OR51B5: variants seen among roughly 807,000 people sequenced by gnomAD.
OR51B5 encodes olfactory receptor family 51 subfamily B member 5.
For missense variants in OR51B5, 456 were observed against 374.6 expected (o/e 1.22, Z -1.79); for synonymous variants, 186 against 144.8 (o/e 1.28, Z -2.04).
At chr11:5,404,015 G>A (rs1419252614) in intron 1 of OR51B5, among the ~76,000 whole-genome samples, 1 of 152,006 alleles carries the variant, frequency 6.6e-6, no homozygotes, top group Non-Finnish European at 1.5e-5. Flanking sequence ...AGGCTATGAT[G>A]TGGCATTCAC....
At chr11:5,465,986 C>T (rs1461048932) in intron 1 of OR51B5, among the ~76,000 whole-genome samples, 1 of 151,426 alleles carries the variant, frequency 6.6e-6, no homozygotes, top group Non-Finnish European at 1.5e-5. Context: ...AGAGCTTCTG[C>T]ACAGCAAAAG....
intron 1 of OR51B5, among the ~76,000 whole-genome samples, chr11:5,354,259 G>T (rs1290475418): frequency 2.0e-5 from 3 of 152,086 alleles, no homozygotes; most frequent in African/African-American, 7.2e-5. Context: ...TGAATTCAGG[G>T]GGATCTAAGC....
chr11:5,349,398 ACTC>A (rs1849040044), intron 1 of OR51B5, among the ~76,000 whole-genome samples: 1 of 130,550 alleles, frequency 7.7e-6, no homozygotes, highest in Non-Finnish European at 1.7e-5. Flanking sequence ...TGGTATTCCT[ACTC>A]CTGTTTTTTT....
chr11:5,392,316 C>T (rs1276944965), intron 1 of OR51B5: 2 of 152,126 alleles, frequency 1.3e-5, no homozygotes, highest in South Asian at 2.1e-4. Context: ...TAGTAGGCCA[C>T]ATTACTCAAT....
At chr11:5,406,007 A>C (rs1403790996) in intron 1 of OR51B5, among the ~76,000 whole-genome samples, 1 of 152,236 alleles carries the variant, frequency 6.6e-6, no homozygotes, top group Non-Finnish European at 1.5e-5. Context: ...AGAAGAGAAG[A>C]AACATCTGAG....
intron 1 of OR51B5, among the ~76,000 whole-genome samples, chr11:5,484,003 C>G (rs901151033): frequency 6.6e-6 from 1 of 152,150 alleles, no homozygotes; most frequent in Non-Finnish European, 1.5e-5. Context: ...CATCCAGACA[C>G]ACACCTCCTG....
intron 1 of OR51B5, among the ~76,000 whole-genome samples, chr11:5,359,883 A>T (rs1014186438): frequency 1.3e-5 from 2 of 152,232 alleles, no homozygotes; most frequent in Non-Finnish European, 2.9e-5. Flanking sequence ...GACAAAAAAA[A>T]CAAATGGGGA....
chr11:5,434,198 T>G (rs942032768), intron 1 of OR51B5, among the ~76,000 whole-genome samples: 1 of 152,172 alleles, frequency 6.6e-6, no homozygotes, highest in African/African-American at 2.4e-5. Context: ...AACCCAATGT[T>G]GAGAACCACT....
At chr11:5,362,357 A>C (rs17355626) in intron 1 of OR51B5, among the ~76,000 whole-genome samples, 3 of 152,030 alleles carry the variant, frequency 2.0e-5, no homozygotes, top group Admixed American at 6.5e-5. Context: ...TCAACTACGA[A>C]GATGGTCAGG....
intron 1 of OR51B5, among the ~76,000 whole-genome samples, chr11:5,401,624 T>C (rs1849968315): frequency 6.6e-6 from 1 of 152,242 alleles, no homozygotes; most frequent in Non-Finnish European, 1.5e-5. Flanking sequence ...ACCTTGTCTT[T>C]GTATATTTAC....
rs568250134 is a variant in OR51B5 at position 5,465,003 on chromosome 11, G to A, written n.84+40566C>T. On this transcript the variant is annotated intron_variant and non_coding_transcript_variant, in intron 1 of 4. Transcript: ENST00000415970. ...GGGCGGATCGCGAGGTCAGGAGATC[G>A]AGACCATCCCGGCTAAAACGGTGAA... Among the ~76,000 whole-genome samples, 1,483 of 152,098 alleles carry A rather than the reference G, an allele frequency of 9.8e-3. 28 individuals carry two copies. The highest frequency in any genetic ancestry group is 0.034 in the African/African-American group (1,394 of 41,516).
chr11:5,485,648 C>CA (rs2133811273), intron 1 of OR51B5, among the ~76,000 whole-genome samples: 1 of 152,310 alleles, frequency 6.6e-6, no homozygotes, highest in East Asian at 1.9e-4. Flanking sequence ...TTGCTGCTTC[C>CA]AAACCCATCA....
chr11:5,399,552 T>C (rs544302927), intron 1 of OR51B5, among the ~76,000 whole-genome samples: 2 of 152,292 alleles, frequency 1.3e-5, no homozygotes, highest in African/African-American at 4.8e-5. Flanking sequence ...GGTACAGTCA[T>C]CACTGTCCCA....
At chr11:5,394,565 T>C (rs934248359) in intron 1 of OR51B5, among the ~76,000 whole-genome samples, 1 of 152,252 alleles carries the variant, frequency 6.6e-6, no homozygotes, top group African/African-American at 2.4e-5. Context: ...TTGAAATTGA[T>C]ACTGTATTTG....
intron 1 of OR51B5, among the ~76,000 whole-genome samples, chr11:5,432,791 T>C (rs1850550419): frequency 6.6e-6 from 1 of 152,200 alleles, no homozygotes; most frequent in South Asian, 2.1e-4. Context: ...GAGCCTAGAT[T>C]ACAGTTTAGA....
chr11:5,408,884 C>T (rs560372499), intron 1 of OR51B5, among the ~76,000 whole-genome samples: 2 of 152,234 alleles, frequency 1.3e-5, no homozygotes, highest in East Asian at 1.9e-4. Context: ...AATCCTTAAG[C>T]CTTCCTCAAA....
rs1323401008 is a variant in OR51B5 at position 5,478,820 on chromosome 11, A to G, written n.84+26749T>C. ...AAGGGAAGTTTAGAGAAAAAAGAAT[A>G]AAAAGAAATGAGCAAAGCCTCCAAG... is the stretch of plus-strand genomic sequence containing the variant. On this transcript the variant is annotated intron_variant and non_coding_transcript_variant, in intron 1 of 4. Transcript: ENST00000415970. Among the ~76,000 whole-genome samples, 3 of 150,532 alleles carry G rather than the reference A, an allele frequency of 2.0e-5. No individual in the cohort carries two copies. The East Asian group carries it at 5.8e-4, about 29-fold the overall frequency.
chr11:5,407,392 G>A (rs1241155402), intron 1 of OR51B5, among the ~76,000 whole-genome samples: 1 of 152,136 alleles, frequency 6.6e-6, no homozygotes, highest in Non-Finnish European at 1.5e-5. Context: ...TTAAATACAT[G>A]AAACTTTCTG....
At chr11:5,352,100 T>G (rs1394549794) in intron 1 of OR51B5, 1 of 1,613,986 alleles carries the variant, frequency 6.2e-7, no homozygotes, top group Admixed American at 1.7e-5. Flanking sequence ...CTCTATCCAG[T>G]TGTAGTTTTA....
Sources: allele counts gnomAD v4.1 joint callset (sites outside exome capture counted in the v4.1 genomes callset), GRCh38; gene constraint gnomAD v4.1.1; transcripts MANE v1.5; gene names NCBI Gene and HGNC (gene_info 2026-07-23, HGNC 2026-07-21).